PARD3B: variants seen among roughly 807,000 people sequenced by gnomAD.
The protein encoded by PARD3B is partitioning defective 3 homolog B.
Under a neutral mutation model 130.2 loss-of-function variants are expected in PARD3B, and 103 were observed. That is an observed-to-expected ratio of 0.79 (90% CI 0.67 to 0.93). The LOEUF is 0.93. PARD3B is among the 40% of genes least tolerant of loss of function. The pLI, the probability that PARD3B is intolerant of heterozygous loss-of-function variation, is 0.00. For missense variants in PARD3B, 1,609 were observed against 1,499.2 expected (o/e 1.07, Z -1.21); for synonymous variants, 583 against 553.2 (o/e 1.05, Z -0.76).
intron 4 of PARD3B, among the ~76,000 whole-genome samples, chr2:205,084,499 C>G (rs890859773): frequency 1.3e-5 from 2 of 152,050 alleles, no homozygotes; most frequent in African/African-American, 4.8e-5. Context: ...TTATATAATT[C>G]ACCATCACTC....
chr2:205,485,662 C>A (rs2049410742), intron 20 of PARD3B, among the ~76,000 whole-genome samples: 1 of 152,146 alleles, frequency 6.6e-6, no homozygotes, highest in East Asian at 1.9e-4. Context: ...GCATCATCCC[C>A]TTTAGAAAGA....
chr2:205,038,864 G>T (rs1344995708), intron 3 of PARD3B, among the ~76,000 whole-genome samples: 1 of 152,118 alleles, frequency 6.6e-6, no homozygotes, highest in African/African-American at 2.4e-5. Context: ...AATAGTGGGA[G>T]TCTCTTTTCT....
In PARD3B at chr2:205,291,174, A is replaced by T. The variant is rs897134495; in HGVS notation, c.2186-9356A>T. 6.6e-6 allele frequency among the ~76,000 whole-genome samples: 1 copy of T among 152,124 alleles called. No homozygotes were observed. The highest frequency in any genetic ancestry group is 6.6e-5 in the Admixed American group (1 of 15,266). ...TAAGTGCATGCTTAAAAAAGCCCAC[A>T]TTGTCATGACTGAACTTTTAAAAGG... On this transcript the variant is annotated intron_variant, in intron 16 of 22. Coordinates refer to ENST00000406610, the MANE Select transcript of PARD3B (RefSeq NM_001302769.2). This position sits in a 1 kb window ranked among gnomAD's most constrained non-coding sequence, Gnocchi z 4.6.
intron 18 of PARD3B, among the ~76,000 whole-genome samples, chr2:205,390,434 G>T (rs775989744): frequency 5.9e-5 from 9 of 152,138 alleles, no homozygotes; most frequent in Non-Finnish European, 2.9e-5. Context: ...AGATAAATAT[G>T]ATTTCAGCTG....
At chr2:204,721,623 G>T (rs373758025) in intron 2 of PARD3B, among the ~76,000 whole-genome samples, 14 of 152,006 alleles carry the variant, frequency 9.2e-5, no homozygotes, top group African/African-American at 1.9e-4. Flanking sequence ...AGCATTTTTC[G>T]TGGTGTCAAA....
intron 2 of PARD3B, among the ~76,000 whole-genome samples, chr2:204,953,434 G>C (rs987530807): frequency 6.4e-5 from 9 of 141,046 alleles, no homozygotes; most frequent in South Asian, 4.5e-4. Context: ...GAGAGAGAGA[G>C]AGAGAGAGAG....
At position 205,103,000 on chromosome 2, in the gene PARD3B, G is replaced by A. The variant is rs531624389; in HGVS notation, c.505-1426G>A. 1.3e-4 allele frequency among the ~76,000 whole-genome samples: 20 copies of A among 152,004 alleles called. 1 individual carries two copies. Among genetic ancestry groups the A allele is most frequent in the East Asian group, 3.9e-4 (2 of 5,180 alleles). Reference sequence around the variant, plus strand: ...GGAGAATGGCATGAATCAGGGAGGCGGAGGTTGCAGTGAGCCGAGATCATG... The same window carrying A: ...GGAGAATGGCATGAATCAGGGAGGCAGAGGTTGCAGTGAGCCGAGATCATG... On this transcript the variant is annotated intron_variant, in intron 4 of 22. Transcript: ENST00000406610.
intron 4 of PARD3B, among the ~76,000 whole-genome samples, chr2:205,103,033 A>C (rs1169485152): frequency 2.0e-5 from 3 of 151,930 alleles, no homozygotes; most frequent in Non-Finnish European, 4.4e-5. Flanking sequence ...ATGCCACTGC[A>C]CTCCAGCCTG....
At chr2:204,800,245 C>T (rs141877088) in intron 2 of PARD3B, among the ~76,000 whole-genome samples, 1 of 152,204 alleles carries the variant, frequency 6.6e-6, no homozygotes, top group Non-Finnish European at 1.5e-5. Context: ...CATACTGAAG[C>T]ATGCATTGGA....
rs13416866 is a variant in PARD3B, at chr2:205,001,889, C to T, written c.394+36566C>T. On this transcript the variant is annotated intron_variant, in intron 3 of 22. Coordinates refer to ENST00000406610, the MANE Select transcript of PARD3B (RefSeq NM_001302769.2). ...TTAGTGTTGAGGACTACATTGGAGA[C>T]GATGCTGTCACCTAATATATCTCAT... Among the ~76,000 whole-genome samples the T allele has an allele frequency of 9.2e-3, 1,392 of 152,122 alleles. 11 individuals are homozygous for T. Among genetic ancestry groups the T allele is most frequent in the African/African-American group, 0.03 (1,225 of 41,480 alleles).
At position 205,160,896 on chromosome 2, in the gene PARD3B, T is replaced by C. The variant is rs868174307; in HGVS notation, c.1620+1989T>C. Among the ~76,000 whole-genome samples, 30 of 152,304 alleles carry C rather than the reference T, an allele frequency of 2.0e-4. No individual in the cohort carries two copies. The highest frequency in any genetic ancestry group is 6.7e-4 in the African/African-American group (28 of 41,576). Reference sequence around the variant, plus strand: ...CAGTCTGACTCCAGAACCTGCGTTATGCTGCACTGAAATGAAGCTCTTCCA... The same window carrying C: ...CAGTCTGACTCCAGAACCTGCGTTACGCTGCACTGAAATGAAGCTCTTCCA... On this transcript the variant is annotated intron_variant, in intron 11 of 22. Transcript: ENST00000406610. The surrounding 1 kb of genome is among the most constrained non-coding windows in gnomAD (Gnocchi z 4.0).
intron 20 of PARD3B, among the ~76,000 whole-genome samples, chr2:205,448,676 A>G (rs2106187020): frequency 6.6e-6 from 1 of 152,298 alleles, no homozygotes; most frequent in East Asian, 1.9e-4. Flanking sequence ...TCGTTGATCA[A>G]TGTCAAATAC....
intron 3 of PARD3B, among the ~76,000 whole-genome samples, chr2:205,007,422 C>A (rs1295659698): frequency 6.6e-6 from 1 of 152,112 alleles, no homozygotes; most frequent in African/African-American, 2.4e-5. Flanking sequence ...GCCAGTTTTC[C>A]CAGTACCATT....
In PARD3B at chr2:204,701,734, A is replaced by AT. The variant is rs943390664; in HGVS notation, c.222+15462dup. ...ACTGAGGAAGCAATTTTATTTTATT[A>AT]TTTTTTTTTTCTTTTTCAACTTTTA... is the stretch of plus-strand genomic sequence containing the variant. On this transcript the variant is annotated intron_variant, in intron 2 of 22. Coordinates refer to ENST00000406610, the MANE Select transcript of PARD3B (RefSeq NM_001302769.2). 8.7e-4 allele frequency among the ~76,000 whole-genome samples: 130 copies of AT among 149,752 alleles called. 1 individual carries two copies. Among genetic ancestry groups the AT allele is most frequent in the African/African-American group, 2.9e-3 (120 of 40,890 alleles).
rs1310865938 is a variant in PARD3B, at chr2:205,380,684, CATATATACTATATATAAAGAATATACATT to C, written c.2631-20274_2631-20246del. On this transcript the variant is annotated intron_variant, in intron 18 of 22. Transcript: ENST00000406610. ...TTATATATAATATATAAAGAATAAACATATATACTATATATAAAGAATATACATTATATATACTATATATAAAGAATATA... is the reference window on the plus strand; with the variant it reads ...TTATATATAATATATAAAGAATAAACATATATACTATATATAAAGAATATA... Among the ~76,000 whole-genome samples the C allele has an allele frequency of 9.8e-3, 832 of 85,246 alleles. 16 individuals are homozygous for C. Among genetic ancestry groups the C allele is most frequent in the African/African-American group, 0.045 (789 of 17,708 alleles). 55.9% of individuals were successfully genotyped at this position (85,246 alleles called of 152,430 possible).
In PARD3B at chr2:204,560,863, G is replaced by C. The variant is rs2031265548; in HGVS notation, c.120+14744G>C. On this transcript the variant is annotated intron_variant, in intron 1 of 22. Coordinates refer to ENST00000406610, the MANE Select transcript of PARD3B (RefSeq NM_001302769.2). ...TGGCTCAGGTCCTGCTGTTGGAGTGGAGGTTAGATGTATTGAAGCAGAAGC... is the reference window on the plus strand; with the variant it reads ...TGGCTCAGGTCCTGCTGTTGGAGTGCAGGTTAGATGTATTGAAGCAGAAGC... Among the ~76,000 whole-genome samples, 3 of 152,096 alleles carry C rather than the reference G, an allele frequency of 2.0e-5. No homozygotes were observed. In the South Asian group the frequency reaches 6.2e-4, roughly 32 times the overall value.
intron 15 of PARD3B, among the ~76,000 whole-genome samples, chr2:205,201,878 A>C (rs2037010977): frequency 6.6e-6 from 1 of 152,214 alleles, no homozygotes; most frequent in Admixed American, 6.5e-5. Context: ...GTATATAGTT[A>C]TATGTTTTAA....
chr2:205,477,155 G>C (rs1419462720), intron 20 of PARD3B, among the ~76,000 whole-genome samples: 1 of 152,134 alleles, frequency 6.6e-6, no homozygotes, highest in Non-Finnish European at 1.5e-5. Context: ...GTTTCCTTTT[G>C]CACTTCAACC....
intron 4 of PARD3B, among the ~76,000 whole-genome samples, chr2:205,057,607 G>GTATGTGTATACGTATGTATATACATA (rs1553605803): frequency 1.5e-5 from 1 of 68,470 alleles, no homozygotes; most frequent in Non-Finnish European, 2.9e-5. Flanking sequence ...ACATATATGT[G>GTATGTGTATACGTATGTATATACATA]TATGTGTATG....
Sources: gnomAD v4.1 joint callset for allele counts (sites outside exome capture counted in the v4.1 genomes callset) on GRCh38, gnomAD v4.1.1 for gene constraint, Gnocchi (gnomAD v3.1) non-coding constraint, MANE v1.5 for transcripts, NCBI Gene and HGNC (gene_info 2026-07-23, HGNC 2026-07-21) for gene names.